REEP3: variants seen among roughly 807,000 people sequenced by gnomAD.
The protein encoded by REEP3 is receptor expression-enhancing protein 3.
A neutral mutation model predicts 41.3 loss-of-function variants in REEP3; 20 were observed. That is an observed-to-expected ratio of 0.48 (90% CI 0.34 to 0.70). The LOEUF (loss-of-function observed/expected upper bound fraction) is 0.70. Ranked by LOEUF, REEP3 falls within the 30% of genes least tolerant of loss-of-function variation. The probability of loss-of-function intolerance (pLI) is 0.01; values close to 1 mark genes in which losing one functional copy is unlikely to be tolerated. For synonymous variants in REEP3, 104 were observed against 101.8 expected, an observed-to-expected ratio of 1.02 and a Z score of -0.13; for missense variants, 271 against 308.8, an observed-to-expected ratio of 0.88 and a Z score of 0.92.
intron 6 of REEP3, among the ~76,000 whole-genome samples, chr10:63,613,286 A>G (rs1956289622): frequency 1.3e-5 from 2 of 152,350 alleles, no homozygotes; most frequent in South Asian, 4.1e-4. Context: ...CAGGGATTAC[A>G]GGCGTGAGCC....
At position 63,599,270 on chromosome 10, in the gene REEP3, C is replaced by G. The variant is rs1214078335; in HGVS notation, c.404C>G (p.Thr135Ser). 2.7e-6 allele frequency: 4 copies of G among 1,493,870 alleles called. No individual in the cohort carries two copies. The South Asian group carries it at 5.1e-5, about 19-fold the overall frequency. The allele number at this position is 1,493,870 out of a possible 1,614,324, so 92.5% of individuals were successfully genotyped here. The change falls in exon 5 of 8, where the codon ACT becomes AGT. Residue 135 changes from threonine (T) to serine (S), a missense_variant. Transcript: ENST00000373758. ...AACCTTGCAGCTACTGCTGCTGTTA[C>G]TGCAGCAGTAAAGGTAATTGTTCAT... is the stretch of plus-strand genomic sequence containing the variant. The part of the protein sequence containing the change: ...GLNLAATAAV[T>S]AAVKSQGAIT...
intron 6 of REEP3, among the ~76,000 whole-genome samples, chr10:63,614,793 A>C (rs1466440884): frequency 6.6e-6 from 1 of 152,206 alleles, no homozygotes; most frequent in African/African-American, 2.4e-5. Context: ...GGCACTTTTT[A>C]TGAGTTTAAA....
At chr10:63,600,075 A>G (rs954653391) in intron 5 of REEP3, among the ~76,000 whole-genome samples, 1 of 152,182 alleles carries the variant, frequency 6.6e-6, no homozygotes, top group Non-Finnish European at 1.5e-5. Context: ...CTCCATTCAA[A>G]ATTCAAGTGA....
intron 2 of REEP3, among the ~76,000 whole-genome samples, chr10:63,579,313 G>C (rs1955928088): frequency 6.6e-6 from 1 of 152,138 alleles, no homozygotes. Flanking sequence ...TTACAGTCCT[G>C]AGCCACCACA....
At chr10:63,616,147 C>T (rs897658888) in intron 6 of REEP3, among the ~76,000 whole-genome samples, 5 of 152,192 alleles carry the variant, frequency 3.3e-5, no homozygotes, top group African/African-American at 1.2e-4. Flanking sequence ...ATTAACTCCC[C>T]AGCCTTGTTC....
In REEP3 at chr10:63,574,490, A is replaced by G. The variant is rs184283174; in HGVS notation, c.105+8080A>G. ...TTTTCTAATCAGTAAGTAGTAGTAA[A>G]TAATGAACATATTATTTAATTATAT... On this transcript the variant is annotated intron_variant, in intron 2 of 7. Coordinates refer to ENST00000373758, the MANE Select transcript of REEP3 (RefSeq NM_001001330.3). Among the ~76,000 whole-genome samples the G allele has an allele frequency of 3.4e-3, 519 of 152,352 alleles. 2 individuals carry two copies. The highest frequency in any genetic ancestry group is 4.0e-3 in the Non-Finnish European group (271 of 68,038).
intron 1 of REEP3, among the ~76,000 whole-genome samples, chr10:63,558,642 A>T (rs778997859): frequency 3.3e-5 from 5 of 152,128 alleles, no homozygotes; most frequent in Non-Finnish European, 7.4e-5. Flanking sequence ...TACAAAAATT[A>T]GCCAGGCATG....
intron 5 of REEP3, among the ~76,000 whole-genome samples, chr10:63,606,410 G>A (rs935402276): frequency 2.0e-5 from 3 of 150,406 alleles, no homozygotes; most frequent in Non-Finnish European, 4.4e-5. Flanking sequence ...TTTAGAGACA[G>A]GGTCTCGCTC....
At chr10:63,588,237 G>T (rs1167798175) in intron 2 of REEP3, among the ~76,000 whole-genome samples, 1 of 152,176 alleles carries the variant, frequency 6.6e-6, no homozygotes, top group Non-Finnish European at 1.5e-5. Flanking sequence ...CCCAGAGGAA[G>T]AGGTATCCCT....
At chr10:63,583,983 A>AT (rs1204679504) in intron 2 of REEP3, among the ~76,000 whole-genome samples, 3 of 152,052 alleles carry the variant, frequency 2.0e-5, no homozygotes, top group Admixed American at 6.6e-5. Context: ...TTATCATCTA[A>AT]TTTTTTAACA....
intron 6 of REEP3, among the ~76,000 whole-genome samples, chr10:63,617,839 T>TA (rs1491337180): frequency 1.9e-5 from 2 of 102,688 alleles, no homozygotes; most frequent in African/African-American, 7.7e-5. Flanking sequence ...TTTTTTTTTT[T>TA]AAAGAGATGG....
At chr10:63,562,108 CCTG>C (rs1400534560) in intron 1 of REEP3, among the ~76,000 whole-genome samples, 1 of 152,046 alleles carries the variant, frequency 6.6e-6, no homozygotes, top group Non-Finnish European at 1.5e-5. Flanking sequence ...CTGAAAAGCT[CCTG>C]TGCGGTGGAG....
intron 5 of REEP3, 74 bp downstream of exon 5, chr10:63,599,357 C>T (rs771775562): frequency 3.3e-6 from 2 of 602,626 alleles, no homozygotes; most frequent in East Asian, 6.8e-5. Flanking sequence ...TATTTCAAAC[C>T]ATTATAAAAT....
intron 1 of REEP3, among the ~76,000 whole-genome samples, chr10:63,543,965 C>G (rs1206299925): frequency 5.9e-5 from 9 of 151,996 alleles, no homozygotes; most frequent in Non-Finnish European, 1.0e-4. Flanking sequence ...AACAACTTGC[C>G]CAAAGTCACA....
chr10:63,587,561 A>G lies in REEP3; in HGVS notation c.106-7217A>G, dbSNP rs541280235. Among the ~76,000 whole-genome samples the G allele has an allele frequency of 3.9e-5, 6 of 152,268 alleles. No individual in the cohort carries two copies. In the South Asian group the frequency reaches 1.2e-3, roughly 32 times the overall value. Reference sequence around the variant, plus strand: ...AATGACTGAAGAACTATAGAAATCTATTTCTTTTTCACATAAAAGTCCTGG... The same window carrying G: ...AATGACTGAAGAACTATAGAAATCTGTTTCTTTTTCACATAAAAGTCCTGG... On this transcript the variant is annotated intron_variant, in intron 2 of 7. Transcript: ENST00000373758.
At chr10:63,543,065 G>A (rs1433814754) in intron 1 of REEP3, among the ~76,000 whole-genome samples, 7 of 152,058 alleles carry the variant, frequency 4.6e-5, no homozygotes, top group Non-Finnish European at 7.4e-5. Context: ...TTCACCCCTG[G>A]CTTTCTGTGA....
intron 1 of REEP3, among the ~76,000 whole-genome samples, chr10:63,558,239 G>A (rs957646193): frequency 2.6e-5 from 4 of 152,192 alleles, no homozygotes; most frequent in Non-Finnish European, 4.4e-5. Context: ...AAAGATGACA[G>A]ATAGGTTTAC....
intron 1 of REEP3, among the ~76,000 whole-genome samples, chr10:63,549,509 A>G (rs534722356): frequency 6.6e-6 from 1 of 152,346 alleles, no homozygotes; most frequent in Admixed American, 6.5e-5. Flanking sequence ...TGAGGCTGCA[A>G]TAAGCTGTGA....
chr10:63,525,713 A>G (rs1355061514), intron 1 of REEP3, among the ~76,000 whole-genome samples: 1 of 152,136 alleles, frequency 6.6e-6, no homozygotes, highest in African/African-American at 2.4e-5. Context: ...ATAGTTACCA[A>G]TTTTTAAGGG....
Sources: allele counts gnomAD v4.1 joint callset (sites outside exome capture counted in the v4.1 genomes callset), GRCh38; gene constraint gnomAD v4.1.1; transcripts MANE v1.5; gene names NCBI Gene and HGNC (gene_info 2026-07-23, HGNC 2026-07-21).